INSYN2B: variants seen among roughly 807,000 people sequenced by gnomAD.
The protein encoded by INSYN2B is inhibitory synaptic factor family member 2B.
A neutral mutation model predicts 41.2 loss-of-function variants in INSYN2B; 16 were observed. The observed-to-expected ratio is 0.39, with a 90% confidence interval of 0.26 to 0.59. The LOEUF (loss-of-function observed/expected upper bound fraction) is 0.59, where lower values mean the gene tolerates loss of function less well. INSYN2B is among the 20% of genes least tolerant of loss of function. The pLI, the probability that INSYN2B is intolerant of heterozygous loss-of-function variation, is 0.57. For synonymous variants in INSYN2B, 245 were observed against 244.4 expected (o/e 1.00, Z -0.02); for missense variants, 608 against 646.4 (o/e 0.94, Z 0.64).
intron 3 of INSYN2B, 117 bp downstream of exon 3, chr5:169,881,251 A>G (rs1772629313): frequency 1.0e-5 from 8 of 786,422 alleles, no homozygotes; most frequent in Non-Finnish European, 1.7e-5. Context: ...AACATTTCAT[A>G]GTTAAATACC....
intron 1 of INSYN2B, among the ~76,000 whole-genome samples, chr5:169,949,162 T>A (rs536950689): frequency 6.6e-6 from 1 of 152,328 alleles, no homozygotes; most frequent in Admixed American, 6.5e-5. Flanking sequence ...TCGAAGACTG[T>A]TCCATTTATG....
chr5:169,923,334 A>G (rs1775275838), intron 1 of INSYN2B, among the ~76,000 whole-genome samples: 2 of 152,150 alleles, frequency 1.3e-5, no homozygotes, highest in South Asian at 2.1e-4. Flanking sequence ...ATTTCCTACA[A>G]TATTTATGTG....
intron 1 of INSYN2B, among the ~76,000 whole-genome samples, chr5:169,902,967 A>C (rs767030996): frequency 6.6e-6 from 1 of 152,040 alleles, no homozygotes; most frequent in Admixed American, 6.6e-5. Context: ...GTGTGGTGGC[A>C]CATGCCTGTA....
rs536338800 is a variant in INSYN2B at position 169,892,342 on chromosome 5, C to T, written c.-918-7526G>A. On this transcript the variant is annotated intron_variant, in intron 1 of 3. Coordinates refer to ENST00000377365, the MANE Select transcript of INSYN2B (RefSeq NM_001129891.3). ...CAAACTTGCTGGTGTGTATCCCCTA[C>T]ACCCGCACAGCTTCTAGCATGGAGC... Among the ~76,000 whole-genome samples, 155 of 152,364 alleles carry T rather than the reference C, an allele frequency of 1.0e-3. 1 individual carries two copies. The highest frequency in any genetic ancestry group is 3.4e-3 in the Middle Eastern group (1 of 294).
At chr5:169,942,378 T>C (rs1015130838) in intron 1 of INSYN2B, among the ~76,000 whole-genome samples, 7 of 152,206 alleles carry the variant, frequency 4.6e-5, no homozygotes, top group Non-Finnish European at 1.0e-4. Flanking sequence ...TATGTAAAGA[T>C]GCCCAGAAAC....
chr5:169,878,685 G>A (rs1170348683), intron 3 of INSYN2B, among the ~76,000 whole-genome samples: 1 of 152,184 alleles, frequency 6.6e-6, no homozygotes, highest in Non-Finnish European at 1.5e-5. Context: ...GTAATTTAAT[G>A]TTATTTAATC....
At chr5:169,962,347 C>T (rs1777124244) in intron 1 of INSYN2B, among the ~76,000 whole-genome samples, 1 of 151,998 alleles carries the variant, frequency 6.6e-6, no homozygotes, top group African/African-American at 2.4e-5. Context: ...TTGGATATGG[C>T]CAGTCAGAAA....
chr5:169,925,162 G>A lies in INSYN2B; in HGVS notation c.-918-40346C>T, dbSNP rs143608962. ...CAAAAAGTGTAATACATGGTAAAGA[G>A]GGGAAAGGGGACTCTGTAGTAGGGA... On this transcript the variant is annotated intron_variant, in intron 1 of 3. Transcript: ENST00000377365. Among the ~76,000 whole-genome samples the A allele has an allele frequency of 1.1e-4, 16 of 152,250 alleles. No individual in the cohort carries two copies. In the East Asian group the frequency reaches 3.1e-3, roughly 29 times the overall value.
intron 1 of INSYN2B, among the ~76,000 whole-genome samples, chr5:169,934,262 C>T (rs538307504): frequency 4.6e-5 from 7 of 152,176 alleles, no homozygotes; most frequent in African/African-American, 1.7e-4. Context: ...AAGAAGAGTC[C>T]CTTCTACTGT....
chr5:169,863,737 G>GC lies in INSYN2B; in HGVS notation c.*535dup, dbSNP rs1156706307. Among the ~76,000 whole-genome samples, 3 of 152,224 alleles carry GC rather than the reference G, an allele frequency of 2.0e-5. No homozygotes were observed. Among genetic ancestry groups the GC allele is most frequent in the African/African-American group, 7.2e-5 (3 of 41,456 alleles). On this transcript the variant is annotated 3_prime_UTR_variant, in exon 4 of 4. Coordinates refer to ENST00000377365, the MANE Select transcript of INSYN2B (RefSeq NM_001129891.3). ...CAACCCAACACACCAGGGTGATCTT[G>GC]CATAAGCATTTTATGCCCTGCCCAC...
intron 1 of INSYN2B, among the ~76,000 whole-genome samples, chr5:169,946,187 A>G (rs1365746079): frequency 6.6e-6 from 1 of 152,234 alleles, no homozygotes; most frequent in Non-Finnish European, 1.5e-5. Flanking sequence ...TCAAGCTCCC[A>G]GTCACTTGAA....
chr5:169,929,562 C>T (rs1020010461), intron 1 of INSYN2B, among the ~76,000 whole-genome samples: 3 of 151,764 alleles, frequency 2.0e-5, no homozygotes, highest in Non-Finnish European at 4.4e-5. Context: ...CATGATGAAA[C>T]CTTGTCTCTA....
intron 1 of INSYN2B, among the ~76,000 whole-genome samples, chr5:169,948,782 A>G (rs1679441378): frequency 6.6e-6 from 1 of 151,696 alleles, no homozygotes; most frequent in African/African-American, 2.4e-5. Flanking sequence ...CTGGCTCACA[A>G]CTACTTTCTG....
chr5:169,916,134 C>T (rs539378374), intron 1 of INSYN2B, among the ~76,000 whole-genome samples: 16 of 152,282 alleles, frequency 1.1e-4, no homozygotes, highest in African/African-American at 1.4e-4. Context: ...TCCTGATTCC[C>T]GGGATTTACT....
intron 1 of INSYN2B, among the ~76,000 whole-genome samples, chr5:169,973,518 C>A (rs1444134760): frequency 1.3e-5 from 2 of 152,140 alleles, no homozygotes; most frequent in Non-Finnish European, 2.9e-5. Flanking sequence ...TCCCCATTCA[C>A]AAAGAGAGAA....
chr5:169,916,546 C>A (rs1202067542), intron 1 of INSYN2B, among the ~76,000 whole-genome samples: 1 of 152,172 alleles, frequency 6.6e-6, no homozygotes, highest in African/African-American at 2.4e-5. Context: ...CCTTCCTGTG[C>A]CTCCCTTATT....
intron 1 of INSYN2B, among the ~76,000 whole-genome samples, chr5:169,925,757 T>C (rs1157599419): frequency 1.3e-5 from 2 of 152,060 alleles, no homozygotes; most frequent in African/African-American, 4.8e-5. Flanking sequence ...AAAGAGATCA[T>C]GTAAAGTGCT....
At chr5:169,932,065 G>A (rs1451727463) in intron 1 of INSYN2B, among the ~76,000 whole-genome samples, 1 of 152,224 alleles carries the variant, frequency 6.6e-6, no homozygotes, top group Non-Finnish European at 1.5e-5. Context: ...GTTAGGCACA[G>A]ATGCAGTAAA....
intron 1 of INSYN2B, among the ~76,000 whole-genome samples, chr5:169,920,898 C>T (rs969066497): frequency 3.3e-5 from 5 of 152,216 alleles, no homozygotes; most frequent in Middle Eastern, 3.4e-3. Flanking sequence ...CAGTTGTTTT[C>T]CTAGAGATCA....
Sources: gnomAD v4.1 joint callset for allele counts (sites outside exome capture counted in the v4.1 genomes callset) on GRCh38, gnomAD v4.1.1 for gene constraint, MANE v1.5 for transcripts, NCBI Gene and HGNC (gene_info 2026-07-23, HGNC 2026-07-21) for gene names.